Variants in DLGAP2 observed in about 807,000 individuals in gnomAD.
DLGAP2 encodes disks large-associated protein 2.
In DLGAP2, 26 loss-of-function variants were observed where a neutral mutation model predicts 100.3. The observed-to-expected ratio is 0.26, with a 90% CI of 0.19 to 0.36. The LOEUF is 0.36. DLGAP2 is among the 10% of genes least tolerant of loss of function. DLGAP2 has a pLI of 1.00. For synonymous variants in DLGAP2, 886 were observed against 630.1 expected (o/e 1.41, Z -6.08); for missense variants, 1,858 against 1,453.2 (o/e 1.28, Z -4.53).
chr8:779,939 C>T (rs1051876262), intron 1 of DLGAP2, among the ~76,000 whole-genome samples: 20 of 152,256 alleles, frequency 1.3e-4, no homozygotes, highest in African/African-American at 4.6e-4. Flanking sequence ...TATGTATACA[C>T]TGGGGAAAGA....
At position 1,632,914 on chromosome 8, in the gene DLGAP2, G is replaced by C; in HGVS notation, c.1678G>C (p.Asp560His). The stretch of plus-strand genomic sequence containing the variant: ...TGAATCTCAGGCCATGGATGCCCTC[G>C]ACCTCCCGGGATGTTTCCGAACAAG... ...EVESQAMDAL[D>H]LPGCFRTRSH... The change falls in exon 8 of 15, where the codon GAC (aspartate) becomes CAC (histidine). Residue 560 changes from aspartate to histidine, a missense_variant. Coordinates refer to ENST00000637795, the MANE Select transcript of DLGAP2 (RefSeq NM_001346810.2). The C allele has an allele frequency of 6.2e-7, 1 of 1,613,908 alleles. No individual in the cohort carries two copies. The highest frequency in any genetic ancestry group is 8.5e-7 in the Non-Finnish European group (1 of 1,179,874).
intron 6 of DLGAP2, among the ~76,000 whole-genome samples, chr8:1,577,863 C>G (rs540577675): frequency 1.3e-5 from 2 of 152,182 alleles, no homozygotes; most frequent in Non-Finnish European, 2.9e-5. Context: ...CCCCTGGCCC[C>G]GCAAGTCCTG....
At chr8:1,312,381 A>C (rs1352021620) in intron 3 of DLGAP2, among the ~76,000 whole-genome samples, 3 of 152,234 alleles carry the variant, frequency 2.0e-5, no homozygotes, top group Non-Finnish European at 4.4e-5. Context: ...AAAGACAGTT[A>C]AGAGAATGAA....
At chr8:984,782 A>T (rs1584947505) in intron 2 of DLGAP2, among the ~76,000 whole-genome samples, 4 of 152,306 alleles carry the variant, frequency 2.6e-5, no homozygotes, top group African/African-American at 9.6e-5. Context: ...TGAGTCCCTC[A>T]TAAGTGATTG....
At chr8:1,194,165 G>T (rs1368495617) in intron 2 of DLGAP2, among the ~76,000 whole-genome samples, 2 of 152,076 alleles carry the variant, frequency 1.3e-5, no homozygotes, top group Non-Finnish European at 2.9e-5. Flanking sequence ...AGGGGCGGGG[G>T]AATTTTAAAG....
intron 12 of DLGAP2, among the ~76,000 whole-genome samples, chr8:1,683,938 G>A (rs28450896): frequency 2.5e-5 from 2 of 80,652 alleles, no homozygotes; most frequent in Admixed American, 1.7e-4. Context: ...GTATATATGT[G>A]TATATATATA....
chr8:1,262,317 G>A (rs930757461), intron 3 of DLGAP2: 1 of 152,166 alleles, frequency 6.6e-6, no homozygotes, highest in Non-Finnish European at 1.5e-5. Flanking sequence ...TACATGTTCT[G>A]TATTACGAGG....
At chr8:1,610,411 C>A (rs1796957264) in intron 6 of DLGAP2, among the ~76,000 whole-genome samples, 1 of 150,802 alleles carries the variant, frequency 6.6e-6, no homozygotes, top group Admixed American at 6.6e-5. Flanking sequence ...AAATTTATAG[C>A]ACTGAATGCC....
At chr8:1,355,945 G>A (rs758254123) in intron 3 of DLGAP2, among the ~76,000 whole-genome samples, 7 of 152,102 alleles carry the variant, frequency 4.6e-5, no homozygotes, top group Non-Finnish European at 1.0e-4. Flanking sequence ...TCAAGTACAT[G>A]CGTGTTGGGA....
At chr8:1,449,598 T>G (rs1416865618) in intron 3 of DLGAP2, among the ~76,000 whole-genome samples, 1 of 152,158 alleles carries the variant, frequency 6.6e-6, no homozygotes, top group Admixed American at 6.5e-5. Context: ...AGGGTGGGCC[T>G]GGCACTCTGC....
At chr8:1,143,531 G>A (rs914224119) in intron 2 of DLGAP2, among the ~76,000 whole-genome samples, 3 of 152,172 alleles carry the variant, frequency 2.0e-5, no homozygotes, top group African/African-American at 7.2e-5. Context: ...GTGGATTTCC[G>A]TGAGGTGCTT....
At position 1,208,865 on chromosome 8, in the gene DLGAP2, A is replaced by AAAATAAAT. The variant is rs61478484; in HGVS notation, c.74-49946_74-49939dup. Among the ~76,000 whole-genome samples, 654 of 144,562 alleles carry AAAATAAAT rather than the reference A, an allele frequency of 4.5e-3. 2 individuals are homozygous for AAAATAAAT. Among genetic ancestry groups the AAAATAAAT allele is most frequent in the African/African-American group, 0.011 (436 of 39,080 alleles). 94.8% of individuals were successfully genotyped at this position (144,562 alleles called of 152,430 possible). On this transcript the variant is annotated intron_variant, in intron 2 of 14. Coordinates refer to ENST00000637795, the MANE Select transcript of DLGAP2 (RefSeq NM_001346810.2). ...CCACCCCTTTACAATAATAGCTGCAAAAATAAATAAATAAATAAATAAATA... is the reference window on the plus strand; with the variant it reads ...CCACCCCTTTACAATAATAGCTGCAAAAATAAATAAATAAATAAATAAATAAATAAATA...
intron 2 of DLGAP2, among the ~76,000 whole-genome samples, chr8:1,059,310 G>C (rs1802981021): frequency 6.7e-6 from 1 of 149,336 alleles, no homozygotes; most frequent in Admixed American, 6.7e-5. Context: ...TGCATCCCCT[G>C]GGTATGGACT....
intron 4 of DLGAP2, among the ~76,000 whole-genome samples, chr8:1,517,730 G>A (rs544021361): frequency 7.2e-5 from 11 of 152,304 alleles, no homozygotes; most frequent in African/African-American, 2.2e-4. Flanking sequence ...CTGCAGTTAC[G>A]CTTGGAGTTT....
intron 2 of DLGAP2, among the ~76,000 whole-genome samples, chr8:1,039,655 G>A (rs1465992341): frequency 2.1e-5 from 1 of 48,178 alleles, no homozygotes; most frequent in Non-Finnish European, 4.4e-5. Context: ...TGGTCAGCTC[G>A]GTGTGGGTGG....
intron 3 of DLGAP2, among the ~76,000 whole-genome samples, chr8:1,365,951 G>A (rs1278645215): frequency 2.0e-5 from 3 of 152,224 alleles, no homozygotes; most frequent in African/African-American, 4.8e-5. Context: ...ACGTCTCTTT[G>A]TGGAGAAATT....
chr8:1,599,399 T>C (rs1796555752), intron 6 of DLGAP2, among the ~76,000 whole-genome samples: 1 of 152,182 alleles, frequency 6.6e-6, no homozygotes, highest in Non-Finnish European at 1.5e-5. Context: ...CAGAGCTGAA[T>C]TGAAGTCCTG....
intron 2 of DLGAP2, among the ~76,000 whole-genome samples, chr8:1,223,186 C>G (rs1181810071): frequency 6.6e-6 from 1 of 152,200 alleles, no homozygotes; most frequent in Non-Finnish European, 1.5e-5. Context: ...AGGCCAATAA[C>G]AAGTCCTGGT....
At chr8:1,172,751 T>G (rs1054111990) in intron 2 of DLGAP2, among the ~76,000 whole-genome samples, 7 of 152,218 alleles carry the variant, frequency 4.6e-5, no homozygotes, top group African/African-American at 1.4e-4. Context: ...CTTTAAGCAC[T>G]TCTCTGTATT....
Sources: gnomAD v4.1 joint callset for allele counts (sites outside exome capture counted in the v4.1 genomes callset) on GRCh38, gnomAD v4.1.1 for gene constraint, MANE v1.5 for transcripts, NCBI Gene and HGNC (gene_info 2026-07-23, HGNC 2026-07-21) for gene names.